BRAF: variants seen among roughly 807,000 people sequenced by gnomAD.
BRAF encodes serine/threonine-protein kinase B-raf.
BRAF carries 16 observed loss-of-function variants against 104.6 expected under a neutral mutation model. The ratio of observed to expected loss-of-function variants is 0.15; its 90% CI spans 0.10 to 0.23. The LOEUF is 0.23. BRAF is among the 10% of genes least tolerant of loss of function. The pLI, the probability that BRAF is intolerant of heterozygous loss-of-function variation, is 1.00. For synonymous variants in BRAF, 310 were observed against 341.6 expected (o/e 0.91, Z 1.02); for missense variants, 541 against 937.3 (o/e 0.58, Z 5.52).
chr7:140,834,887 A>G lies in BRAF; in HGVS notation c.241-15T>C. 1 of 1,613,940 alleles carries G rather than the reference A, an allele frequency of 6.2e-7. No individual in the cohort carries two copies. Among genetic ancestry groups the G allele is most frequent in the Non-Finnish European group, 8.5e-7 (1 of 1,179,828 alleles). ...TCTTCATAGGCCTATAAAATAAAGC[A>G]GACTTATATTCAATCCGGACTTTGT... On this transcript the variant is annotated splice_polypyrimidine_tract_variant and intron_variant, in intron 2 of 19. Coordinates refer to ENST00000644969, the MANE Select transcript of BRAF (RefSeq NM_001374258.1).
chr7:140,818,897 G>A (rs368400955), intron 3 of BRAF, among the ~76,000 whole-genome samples: 18 of 152,196 alleles, frequency 1.2e-4, no homozygotes, highest in African/African-American at 3.6e-4. Flanking sequence ...CCTATCTTAC[G>A]TAGTCTACCT....
intron 2 of BRAF, among the ~76,000 whole-genome samples, chr7:140,843,056 C>G (rs1056040692): frequency 1.3e-5 from 2 of 152,192 alleles, no homozygotes; most frequent in Admixed American, 1.3e-4. Context: ...CATAGCACAA[C>G]TTCTACTTGA....
chr7:140,784,146 T>TA (rs1801136162), intron 10 of BRAF, among the ~76,000 whole-genome samples: 1 of 152,112 alleles, frequency 6.6e-6, no homozygotes, highest in South Asian at 2.1e-4. Context: ...AGATTCTTTT[T>TA]AAAAAATGAC....
intron 1 of BRAF, among the ~76,000 whole-genome samples, chr7:140,855,648 A>C (rs1372814713): frequency 6.6e-6 from 1 of 151,626 alleles, no homozygotes; most frequent in African/African-American, 2.4e-5. Flanking sequence ...ATATATATTC[A>C]TATATATACT....
At chr7:140,804,267 C>T (rs1001441779) in intron 5 of BRAF, among the ~76,000 whole-genome samples, 1 of 151,424 alleles carries the variant, frequency 6.6e-6, no homozygotes, top group African/African-American at 2.4e-5. Context: ...TGCAGTGGCA[C>T]GATCTCGGCT....
chr7:140,775,402 C>T (rs1425985512), intron 14 of BRAF, among the ~76,000 whole-genome samples: 6 of 150,094 alleles, frequency 4.0e-5, no homozygotes, highest in Non-Finnish European at 7.4e-5. Context: ...GGCTGGAGTG[C>T]AATGGTGTGA....
At chr7:140,902,337 T>A (rs762180224) in intron 1 of BRAF, among the ~76,000 whole-genome samples, 1 of 152,238 alleles carries the variant, frequency 6.6e-6, no homozygotes, top group Non-Finnish European at 1.5e-5. Context: ...GTAAATGTTG[T>A]GTGTGTTCTC....
chr7:140,844,748 A>G (rs1808368110), intron 2 of BRAF, among the ~76,000 whole-genome samples: 1 of 152,150 alleles, frequency 6.6e-6, no homozygotes, highest in South Asian at 2.1e-4. Flanking sequence ...CAACATGGTG[A>G]AACTCCGTCT....
rs1818594512 is a variant in BRAF at position 140,924,247 on chromosome 7, T to C, written c.138+319A>G. Among the ~76,000 whole-genome samples, 1 of 151,894 alleles carries C rather than the reference T, an allele frequency of 6.6e-6. No homozygotes were observed. On this transcript the variant is annotated intron_variant, in intron 1 of 19. Coordinates refer to ENST00000644969, the MANE Select transcript of BRAF (RefSeq NM_001374258.1). The surrounding 1 kb of genome is among the most constrained non-coding windows in gnomAD (Gnocchi z 4.2). ...CCCACAGAGATGCAGAGCTGGATACTTCAGCCAATCGTGACCTTCTCGGAC... is the reference window on the plus strand; with the variant it reads ...CCCACAGAGATGCAGAGCTGGATACCTCAGCCAATCGTGACCTTCTCGGAC...
At position 140,924,359 on chromosome 7, in the gene BRAF, C is replaced by T. The variant is rs1308528137; in HGVS notation, c.138+207G>A. On this transcript the variant is annotated intron_variant, in intron 1 of 19. Coordinates refer to ENST00000644969, the MANE Select transcript of BRAF (RefSeq NM_001374258.1). The surrounding 1 kb of genome is among the most constrained non-coding windows in gnomAD (Gnocchi z 4.2). ...ACATCTGGGGTGGGGGCCAGGGAAA[C>T]CCCCCGGGCCATTGTGTGTGTTTAC... Among the ~76,000 whole-genome samples, 5 of 152,166 alleles carry T rather than the reference C, an allele frequency of 3.3e-5. No homozygotes were observed. The highest frequency in any genetic ancestry group is 1.3e-4 in the Admixed American group (2 of 15,290).
chr7:140,820,140 C>T (rs1805321858), intron 3 of BRAF, among the ~76,000 whole-genome samples: 1 of 152,052 alleles, frequency 6.6e-6, no homozygotes, highest in African/African-American at 2.4e-5. Flanking sequence ...TACAGACAAA[C>T]AATACACACA....
At chr7:140,749,557 G>T (rs377241586) in intron 16 of BRAF, 139 bp from the exon 16 acceptor site, 5 of 911,002 alleles carry the variant, frequency 5.5e-6, no homozygotes, top group African/African-American at 5.0e-5. Flanking sequence ...AATAGTCAAA[G>T]AAATAAAACT....
chr7:140,813,542 A>G (rs1352150514), intron 3 of BRAF, among the ~76,000 whole-genome samples: 2 of 152,178 alleles, frequency 1.3e-5, no homozygotes, highest in East Asian at 1.9e-4. Context: ...CCTGCAATAC[A>G]TAAGAATAAT....
At chr7:140,836,306 A>AC (rs1586345836) in intron 2 of BRAF, 2 of 152,188 alleles carry the variant, frequency 1.3e-5, no homozygotes, top group East Asian at 3.8e-4. Context: ...AAGAAACAAT[A>AC]AGGCTGAAAA....
At chr7:140,775,254 C>A (rs532570152) in intron 14 of BRAF, among the ~76,000 whole-genome samples, 1 of 152,020 alleles carries the variant, frequency 6.6e-6, no homozygotes, top group Non-Finnish European at 1.5e-5. Context: ...GAAGAAATTG[C>A]AAAGAGACCA....
intron 1 of BRAF, among the ~76,000 whole-genome samples, chr7:140,901,580 A>G (rs1815639224): frequency 6.6e-6 from 1 of 152,244 alleles, no homozygotes; most frequent in African/African-American, 2.4e-5. Context: ...ATCCACTATC[A>G]ATTTGAGAAA....
intron 2 of BRAF, among the ~76,000 whole-genome samples, chr7:140,845,848 T>G (rs920860437): frequency 6.6e-6 from 1 of 151,994 alleles, no homozygotes; most frequent in African/African-American, 2.4e-5. Context: ...CACCTGAAAT[T>G]TTTGTATTTT....
At chr7:140,869,978 A>AAAAG (rs35350959) in intron 1 of BRAF, among the ~76,000 whole-genome samples, 43,518 of 151,666 alleles carry the variant, frequency 0.29, 9,695 homozygotes, top group African/African-American at 0.63. Context: ...GGTCAACCAA[A>AAAAG]AAAAGGAAGA....
chr7:140,717,163 C>T (rs1356007567), downstream of BRAF, among the ~76,000 whole-genome samples: 1 of 152,200 alleles, frequency 6.6e-6, no homozygotes, highest in East Asian at 1.9e-4. Context: ...AATTATATAT[C>T]TGTAATATAT....
Sources: allele counts gnomAD v4.1 joint callset (sites outside exome capture counted in the v4.1 genomes callset), GRCh38; gene constraint gnomAD v4.1.1; non-coding constraint Gnocchi (gnomAD v3.1); transcripts MANE v1.5; gene names NCBI Gene and HGNC (gene_info 2026-07-23, HGNC 2026-07-21).